GRK4: variants seen among roughly 807,000 people sequenced by gnomAD.
GRK4 encodes the protein G protein-coupled receptor kinase 4.
A neutral mutation model predicts 77.9 loss-of-function variants in GRK4; 73 were observed. The observed-to-expected ratio is 0.94, with a 90% CI of 0.78 to 1.14. GRK4 has a LOEUF of 1.14. Ranked by LOEUF, GRK4 falls within the 50% of genes most tolerant of loss-of-function variation. The pLI, the probability that GRK4 is intolerant of heterozygous loss-of-function variation, is 0.00. For synonymous variants in GRK4, 257 were observed against 254.4 expected (o/e 1.01, Z -0.10); for missense variants, 729 against 700.2 (o/e 1.04, Z -0.46).
At chr4:3,023,606 A>C (rs1736661892) in intron 10 of GRK4, among the ~76,000 whole-genome samples, 1 of 152,196 alleles carries the variant, frequency 6.6e-6, no homozygotes. Context: ...AGGCGATACC[A>C]AGATTTAGGA....
intron 4 of GRK4, among the ~76,000 whole-genome samples, chr4:3,003,733 T>C (rs1430424718): frequency 1.3e-5 from 2 of 152,078 alleles, no homozygotes; most frequent in African/African-American, 4.8e-5. Flanking sequence ...TGTGTTTTTT[T>C]GTTTGGTTTG....
At chr4:2,991,735 C>T (rs1167227638) in intron 3 of GRK4, among the ~76,000 whole-genome samples, 1 of 152,110 alleles carries the variant, frequency 6.6e-6, no homozygotes, top group African/African-American at 2.4e-5. Flanking sequence ...TGGTCTCCAA[C>T]TCCCAGCCTC....
At position 2,997,973 on chromosome 4, in the gene GRK4, G is replaced by T. The variant is rs563229324; in HGVS notation, c.339+5681G>T. 5.9e-5 allele frequency among the ~76,000 whole-genome samples: 9 copies of T among 151,526 alleles called. No individual in the cohort carries two copies. The East Asian group carries it at 1.7e-3, about 29-fold the overall frequency. On this transcript the variant is annotated intron_variant, in intron 4 of 15. Transcript: ENST00000398052. The stretch of plus-strand genomic sequence containing the variant: ...TTAAGATTAGGAACAAGACAAGATT[G>T]TGCACCCTCACCACTTCTGTTCAAC...
At chr4:2,987,057 C>G (rs1724609998) in intron 2 of GRK4, 1 of 486,588 alleles carries the variant, frequency 2.1e-6, no homozygotes, top group Non-Finnish European at 4.0e-6. Context: ...GTCAATTTGA[C>G]AGCATTTTCA....
chr4:3,022,134 T>C (rs184852134), intron 9 of GRK4, among the ~76,000 whole-genome samples: 1 of 152,368 alleles, frequency 6.6e-6, no homozygotes, highest in Admixed American at 6.5e-5. Flanking sequence ...TTAAGGACTG[T>C]TTGCTTTCCT....
intron 3 of GRK4, 126 bp downstream of exon 3, chr4:2,988,965 A>G: frequency 1.6e-6 from 1 of 631,620 alleles, no homozygotes; most frequent in Non-Finnish European, 2.9e-6. Context: ...CGGGCGGATC[A>G]TGAGGTCAGG....
chr4:3,040,589 C>A lies in GRK4; in HGVS notation c.1701C>A (p.Val567=), dbSNP rs924321092. ...TGTTGTAGGGCTGCCTGACCATGGT[C>A]CCCAGTGAGAAGGAAGTGGAACCCA... The part of the protein sequence containing the change: ...LFRRGGCLTM[V]PSEKEVEPKQ... Residue 567 remains valine, a synonymous_variant, in exon 16 of 16, where the codon GTC becomes GTA. Transcript: ENST00000398052. 1.1e-5 allele frequency: 17 copies of A among 1,610,598 alleles called. No homozygotes were observed. The African/African-American group carries it at 1.2e-4, about 11-fold the overall frequency.
At position 3,040,374 on chromosome 4, in the gene GRK4, G is replaced by A. The variant is rs532327408; in HGVS notation, c.1684-198G>A. On this transcript the variant is annotated intron_variant, in intron 15 of 15. Transcript: ENST00000398052. Reference sequence around the variant, plus strand: ...GAGAATTGCTTGAACCTGGAAGGTGGAGGTTGTAGTGATCTGAGATCCTGC... The same window carrying A: ...GAGAATTGCTTGAACCTGGAAGGTGAAGGTTGTAGTGATCTGAGATCCTGC... 1.2e-3 allele frequency among the ~76,000 whole-genome samples: 176 copies of A among 152,274 alleles called. 7 individuals are homozygous for A. Among genetic ancestry groups the A allele is most frequent in the Admixed American group, 2.5e-3 (38 of 15,296 alleles).
intron 8 of GRK4, among the ~76,000 whole-genome samples, chr4:3,017,902 G>A (rs899125329): frequency 3.3e-5 from 5 of 152,050 alleles, no homozygotes; most frequent in Non-Finnish European, 5.9e-5. Flanking sequence ...GCTTTTCCCC[G>A]TGAGATCTGG....
chr4:2,975,042 C>T (rs151024413), intron 1 of GRK4, among the ~76,000 whole-genome samples: 216 of 152,318 alleles, frequency 1.4e-3, no homozygotes, highest in African/African-American at 4.8e-3. Flanking sequence ...CGGTGGCTCT[C>T]GCCTGTAATC....
At position 3,036,341 on chromosome 4, in the gene GRK4, G is replaced by A. The variant is rs781442284; in HGVS notation, c.1407+818G>A. Reference sequence around the variant, plus strand: ...ACACCTTCCTCTGGACTGTCCCCGAGGGGCGGGGCCTGCCGGTCCACTTCC... The same window carrying A: ...ACACCTTCCTCTGGACTGTCCCCGAAGGGCGGGGCCTGCCGGTCCACTTCC... On this transcript the variant is annotated intron_variant, in intron 13 of 15. Coordinates refer to ENST00000398052, the MANE Select transcript of GRK4 (RefSeq NM_182982.3). Among the ~76,000 whole-genome samples the A allele has an allele frequency of 9.0e-4, 137 of 152,372 alleles. 3 individuals are homozygous for A. The highest frequency in any genetic ancestry group is 1.9e-3 in the South Asian group (9 of 4,832).
At chr4:3,015,332 G>A (rs1052705337) in intron 8 of GRK4, among the ~76,000 whole-genome samples, 1 of 152,216 alleles carries the variant, frequency 6.6e-6, no homozygotes, top group Non-Finnish European at 1.5e-5. Flanking sequence ...GAGGTTAGCT[G>A]CTTTGTGCAG....
In GRK4 at chr4:3,009,763, A is replaced by G. The variant is rs1291368819; in HGVS notation, c.600+52A>G. On this transcript the variant is annotated intron_variant, in intron 7 of 15. Transcript: ENST00000398052. The stretch of plus-strand genomic sequence containing the variant: ...AGCGCTGCTAGCTGGGTGGGGAGCA[A>G]GGTCCTGAGAACATGGCTTCAGGTA... The G allele has an allele frequency of 2.2e-6, 3 of 1,363,930 alleles. No individual in the cohort carries two copies. In the Admixed American group the frequency reaches 5.1e-5, roughly 23 times the overall value. The allele number at this position is 1,363,930 out of a possible 1,614,324, so 84.5% of individuals were successfully genotyped here. A position where few individuals can be genotyped will look rare whatever the true frequency, so the allele number is the denominator to read the frequency against.
intron 4 of GRK4, among the ~76,000 whole-genome samples, chr4:3,000,790 G>A (rs576258181): frequency 5.9e-5 from 9 of 151,872 alleles, no homozygotes; most frequent in South Asian, 2.1e-4. Flanking sequence ...GGATGGTCTC[G>A]ATCTCTTGAC....
At chr4:2,996,165 C>T (rs972365916) in intron 4 of GRK4, among the ~76,000 whole-genome samples, 4 of 152,078 alleles carry the variant, frequency 2.6e-5, no homozygotes, top group Non-Finnish European at 4.4e-5. Context: ...GGATTGCTTG[C>T]ACACATGTCT....
chr4:3,031,678 A>C (rs1356744316), intron 12 of GRK4, among the ~76,000 whole-genome samples: 1 of 152,146 alleles, frequency 6.6e-6, no homozygotes, highest in African/African-American at 2.4e-5. Context: ...TCCAGGCCAG[A>C]GTTAGAAAGA....
intron 10 of GRK4, among the ~76,000 whole-genome samples, chr4:3,026,139 C>T (rs1019754896): frequency 2.0e-5 from 3 of 152,206 alleles, no homozygotes; most frequent in Non-Finnish European, 4.4e-5. Flanking sequence ...TTGATAGAGT[C>T]CTAGAAGTGG....
chr4:3,021,039 A>G (rs949437163), intron 9 of GRK4, among the ~76,000 whole-genome samples: 3 of 152,064 alleles, frequency 2.0e-5, no homozygotes, highest in African/African-American at 7.2e-5. Flanking sequence ...TTGGATTTTG[A>G]TATCCAAGGG....
intron 10 of GRK4, among the ~76,000 whole-genome samples, chr4:3,024,567 T>A (rs1425857993): frequency 1.3e-5 from 2 of 152,176 alleles, no homozygotes; most frequent in East Asian, 1.9e-4. Context: ...TGGCTAATTT[T>A]AAAAAATTGT....
Sources: allele counts gnomAD v4.1 joint callset (sites outside exome capture counted in the v4.1 genomes callset), GRCh38; gene constraint gnomAD v4.1.1; transcripts MANE v1.5; gene names NCBI Gene and HGNC (gene_info 2026-07-23, HGNC 2026-07-21).